Variants in DACH1 observed in about 807,000 individuals in gnomAD.
DACH1 encodes dachshund family transcription factor 1.
Under a neutral mutation model 54.2 loss-of-function variants are expected in DACH1, and 12 were observed. The ratio of observed to expected loss-of-function variants is 0.22; its 90% confidence interval spans 0.14 to 0.36. The LOEUF is 0.36. Among genes scored for constraint, DACH1 ranks in the 10% least tolerant of loss-of-function variants. DACH1 has a pLI of 1.00. For missense variants in DACH1, 805 were observed against 929.8 expected, an observed-to-expected ratio of 0.87 and a Z score of 1.75; for synonymous variants, 386 against 366.2, an observed-to-expected ratio of 1.05 and a Z score of -0.62.
rs11391038 is a variant in DACH1 at position 71,440,493 on chromosome 13, C to CTTTT, written c.*158_*161dup. On this transcript the variant is annotated 3_prime_UTR_variant, in exon 11 of 11. Transcript: ENST00000613252. Reference sequence around the variant, plus strand: ...CACAGGTGAAAATCAATGGAGAAAACTTTTTTTTTTTTTGTAGAATACTTA... The same window carrying CTTTT: ...CACAGGTGAAAATCAATGGAGAAAACTTTTTTTTTTTTTTTTTGTAGAATACTTA... 7.1e-5 allele frequency: 32 copies of CTTTT among 448,864 alleles called. No homozygotes were observed. Among genetic ancestry groups the CTTTT allele is most frequent in the Middle Eastern group, 6.0e-4 (1 of 1,670 alleles). The allele number at this position is 448,864 out of a possible 1,614,324, so 27.8% of individuals were successfully genotyped here. A position where few individuals can be genotyped will look rare whatever the true frequency, so the allele number is the denominator to read the frequency against.
At chr13:71,633,622 TCATA>T (rs1437116191) in intron 2 of DACH1, among the ~76,000 whole-genome samples, 1 of 142,866 alleles carries the variant, frequency 7.0e-6, no homozygotes. Flanking sequence ...ACACACACAC[TCATA>T]CACTTTTACA....
chr13:71,598,805 A>G (rs1316485865), intron 3 of DACH1, among the ~76,000 whole-genome samples: 1 of 152,188 alleles, frequency 6.6e-6, no homozygotes, highest in Non-Finnish European at 1.5e-5. Context: ...TTGCAAGTCA[A>G]CAGACTCTCC....
At chr13:71,644,618 C>A (rs1878143585) in intron 2 of DACH1, among the ~76,000 whole-genome samples, 1 of 152,164 alleles carries the variant, frequency 6.6e-6, no homozygotes, top group South Asian at 2.1e-4. Context: ...ACTAACGGGG[C>A]CCTCTCTGCC....
At chr13:71,626,262 T>C (rs1457795062) in intron 3 of DACH1, among the ~76,000 whole-genome samples, 1 of 152,000 alleles carries the variant, frequency 6.6e-6, no homozygotes, top group Non-Finnish European at 1.5e-5. Context: ...GCTCACTATG[T>C]CAATATTTAT....
Position 71,816,066 on chromosome 13 carries a change from C to G in DACH1, c.848+49856G>C, listed in dbSNP as rs1887909494. On this transcript the variant is annotated intron_variant, in intron 1 of 10. Transcript: ENST00000613252. ...CGCCACTGCACTCCAGCCTGGGCGA[C>G]AGAGCGAGACTCCGTCTCCAAAAAA... is the stretch of plus-strand genomic sequence containing the variant. Among the ~76,000 whole-genome samples, 4 of 151,660 alleles carry G rather than the reference C, an allele frequency of 2.6e-5. No homozygotes were observed. In the South Asian group the frequency reaches 8.3e-4, roughly 32 times the overall value.
At chr13:71,855,233 T>C (rs531571191) in intron 1 of DACH1, among the ~76,000 whole-genome samples, 21 of 152,180 alleles carry the variant, frequency 1.4e-4, no homozygotes, top group African/African-American at 4.1e-4. Flanking sequence ...TTTGGAATTC[T>C]TTTTAACTTT....
intron 1 of DACH1, among the ~76,000 whole-genome samples, chr13:71,743,725 G>A (rs1298488925): frequency 2.0e-5 from 3 of 152,084 alleles, no homozygotes; most frequent in Non-Finnish European, 4.4e-5. Flanking sequence ...GTTTCAGGAA[G>A]ATTGATATGA....
At chr13:71,541,943 T>TC (rs1883156501) in intron 6 of DACH1, among the ~76,000 whole-genome samples, 1 of 149,492 alleles carries the variant, frequency 6.7e-6, no homozygotes, top group Non-Finnish European at 1.5e-5. Context: ...TTTTTTTTTT[T>TC]TTTTTCATCT....
At chr13:71,448,997 C>A (rs578132128) in intron 10 of DACH1, among the ~76,000 whole-genome samples, 2 of 152,022 alleles carry the variant, frequency 1.3e-5, no homozygotes, top group African/African-American at 2.4e-5. Context: ...GAAAGTACAA[C>A]AACTAGGGTA....
In DACH1 at chr13:71,866,574, C is replaced by T; in HGVS notation, c.196G>A (p.Ala66Thr). 6.3e-6 allele frequency: 8 copies of T among 1,277,088 alleles called. No homozygotes were observed. Among genetic ancestry groups the T allele is most frequent in the Non-Finnish European group, 7.9e-6 (8 of 1,008,810 alleles). The allele number at this position is 1,277,088 out of a possible 1,614,324, so 79.1% of individuals were successfully genotyped here. The change falls in exon 1 of 11, where the codon GCG (alanine) becomes ACG (threonine). Residue 66 changes from alanine to threonine, a missense_variant. Ala to Thr is a moderately conservative substitution (Grantham distance 58). Coordinates refer to ENST00000613252, the MANE Select transcript of DACH1 (RefSeq NM_080759.6). Reference protein sequence around the residue: ...RPEPIASAAAAAATVTSTGGG... With the variant: ...RPEPIASAAATAATVTSTGGG... Reference sequence around the variant, plus strand: ...CCGGTAGAGGTGACTGTGGCCGCCGCCGCCGCCGCCGAAGCGATGGGCTCC... The same window carrying T: ...CCGGTAGAGGTGACTGTGGCCGCCGTCGCCGCCGCCGAAGCGATGGGCTCC...
chr13:71,844,800 C>A (rs2138245460), intron 1 of DACH1, among the ~76,000 whole-genome samples: 1 of 152,196 alleles, frequency 6.6e-6, no homozygotes, highest in Middle Eastern at 3.4e-3. Flanking sequence ...GAAATCCTCT[C>A]ATTCAAGGCA....
intron 1 of DACH1, among the ~76,000 whole-genome samples, chr13:71,857,533 A>AC (rs1185992283): frequency 6.6e-6 from 1 of 151,730 alleles, no homozygotes; most frequent in African/African-American, 2.4e-5. Flanking sequence ...CAAATGTACG[A>AC]CAATTATTTA....
intron 2 of DACH1, among the ~76,000 whole-genome samples, chr13:71,665,311 T>C (rs1323979554): frequency 2.6e-5 from 4 of 151,974 alleles, no homozygotes; most frequent in African/African-American, 4.8e-5. Flanking sequence ...TATTAATGAA[T>C]TAAGCTTGGT....
intron 2 of DACH1, among the ~76,000 whole-genome samples, 183 bp from the exon 3 acceptor site, chr13:71,630,900 T>A (rs1877052583): frequency 6.6e-6 from 1 of 152,156 alleles, no homozygotes; most frequent in African/African-American, 2.4e-5. Flanking sequence ...AGGGGGAGAT[T>A]GATTGCTACA....
chr13:71,848,678 T>C (rs1401724522), intron 1 of DACH1, among the ~76,000 whole-genome samples: 2 of 151,950 alleles, frequency 1.3e-5, no homozygotes, highest in African/African-American at 4.8e-5. Flanking sequence ...CCAAGTAGCC[T>C]GGCTAATTAA....
At chr13:71,700,153 T>C (rs760150304) in intron 1 of DACH1, among the ~76,000 whole-genome samples, 4 of 152,026 alleles carry the variant, frequency 2.6e-5, no homozygotes, top group Non-Finnish European at 5.9e-5. Flanking sequence ...GTTGGCATCC[T>C]CCATATATGC....
At chr13:71,580,272 G>C (rs1301282064) in intron 3 of DACH1, among the ~76,000 whole-genome samples, 1 of 152,100 alleles carries the variant, frequency 6.6e-6, no homozygotes, top group Admixed American at 6.5e-5. Flanking sequence ...TTATTGCCAT[G>C]TTAATGAATT....
chr13:71,477,169 G>A (rs1296876972), intron 8 of DACH1, among the ~76,000 whole-genome samples: 2 of 132,034 alleles, frequency 1.5e-5, no homozygotes, highest in Non-Finnish European at 3.1e-5. Flanking sequence ...AGCCCAGGCT[G>A]GAGTGCAGTG....
chr13:71,498,547 A>G (rs1384638241), intron 6 of DACH1, among the ~76,000 whole-genome samples: 1 of 152,192 alleles, frequency 6.6e-6, no homozygotes, highest in Non-Finnish European at 1.5e-5. Context: ...GCATGCATTT[A>G]TAATCTCAAT....
Sources: allele counts gnomAD v4.1 joint callset (sites outside exome capture counted in the v4.1 genomes callset), GRCh38; gene constraint gnomAD v4.1.1; transcripts MANE v1.5; gene names NCBI Gene and HGNC (gene_info 2026-07-23, HGNC 2026-07-21).